RPS6KC1: variants seen among roughly 807,000 people sequenced by gnomAD.
RPS6KC1 encodes ribosomal protein S6 kinase C1.
In RPS6KC1, 54 loss-of-function variants were observed where a neutral mutation model predicts 103.8. That is an observed-to-expected ratio of 0.52 (90% confidence interval 0.42 to 0.65). The LOEUF (loss-of-function observed/expected upper bound fraction) is 0.65, where lower values mean the gene tolerates loss of function less well. Among genes scored for constraint, RPS6KC1 ranks in the 30% least tolerant of loss-of-function variants. The pLI, the probability that RPS6KC1 is intolerant of heterozygous loss-of-function variation, is 0.00. For missense variants in RPS6KC1, 1,151 were observed against 1,253.8 expected (o/e 0.92, Z 1.24); for synonymous variants, 439 against 438.7 (o/e 1.00, Z -0.01).
chr1:213,461,108 G>A, the RPS6KC1 span, among the ~76,000 whole-genome samples: 1 of 152,098 alleles, frequency 6.6e-6, no homozygotes, highest in Admixed American at 6.5e-5. Flanking sequence ...CAAAATCAAT[G>A]TGTAAAAATC....
the RPS6KC1 span, among the ~76,000 whole-genome samples, chr1:213,704,402 A>C: frequency 6.6e-6 from 1 of 150,826 alleles, no homozygotes; most frequent in African/African-American, 2.4e-5. Context: ...AAAAAAAAAA[A>C]AAAAAAAAAA....
the RPS6KC1 span, among the ~76,000 whole-genome samples, chr1:213,583,766 A>C: frequency 7.0e-6 from 1 of 143,438 alleles, no homozygotes; most frequent in African/African-American, 2.6e-5. Flanking sequence ...GGTTACAGTG[A>C]GCCGAGGTTG....
the RPS6KC1 span, among the ~76,000 whole-genome samples, chr1:213,290,171 AT>A: frequency 1.3e-5 from 2 of 149,944 alleles, no homozygotes; most frequent in African/African-American, 2.5e-5. Context: ...AAAAAAAAGA[AT>A]CAATCGGTCA....
chr1:213,363,675 T>TTTCTTTCTTTCTTTCC, the RPS6KC1 span, among the ~76,000 whole-genome samples: 2 of 96,072 alleles, frequency 2.1e-5, no homozygotes, highest in Admixed American at 9.6e-5. Flanking sequence ...TCTTTCTTTC[T>TTTCTTTCTTTCTTTCC]TTCTTTCTTT....
At chr1:213,636,938 C>CA in the RPS6KC1 span, among the ~76,000 whole-genome samples, 1 of 152,110 alleles carries the variant, frequency 6.6e-6, no homozygotes, top group Non-Finnish European at 1.5e-5. Context: ...ACAACCCCAT[C>CA]AAAAAATGGG....
intron 6 of RPS6KC1, among the ~76,000 whole-genome samples, chr1:213,166,097 C>T (rs190926649): frequency 8.4e-4 from 127 of 150,756 alleles, no homozygotes; most frequent in Non-Finnish European, 1.4e-3. Flanking sequence ...CATATCTTGA[C>T]ATTTCGAATT....
rs1192727608 is a variant in RPS6KC1, at chr1:213,124,291, G to T, written c.473-5236G>T. On this transcript the variant is annotated intron_variant, in intron 5 of 14. Coordinates refer to ENST00000366960, the MANE Select transcript of RPS6KC1 (RefSeq NM_012424.6). The stretch of plus-strand genomic sequence containing the variant: ...AGGATGCACCTTTTACTCTTGCGAT[G>T]GCCCAGAGGGCCTCTTTAAGTATGG... Among the ~76,000 whole-genome samples the T allele has an allele frequency of 2.6e-5, 4 of 152,144 alleles. No individual in the cohort carries two copies. In the East Asian group the frequency reaches 7.7e-4, roughly 29 times the overall value.
chr1:213,750,919 A>G, the RPS6KC1 span, among the ~76,000 whole-genome samples: 22 of 152,204 alleles, frequency 1.4e-4, 1 homozygote, highest in Admixed American at 1.4e-3. Flanking sequence ...CAACCTACTG[A>G]TAAGTCAGAA....
intron 6 of RPS6KC1, among the ~76,000 whole-genome samples, chr1:213,135,106 C>T (rs1436396385): frequency 1.3e-5 from 2 of 152,114 alleles, no homozygotes; most frequent in Non-Finnish European, 2.9e-5. Context: ...TATTCTATTC[C>T]TAGTTTTTTG....
At chr1:213,794,336 C>T in the RPS6KC1 span, 1 of 151,940 alleles carries the variant, frequency 6.6e-6, no homozygotes, top group Non-Finnish European at 1.5e-5. Context: ...GTGACTTTCC[C>T]CCAGATTTGG....
chr1:213,620,344 G>A, the RPS6KC1 span, among the ~76,000 whole-genome samples: 2 of 152,304 alleles, frequency 1.3e-5, no homozygotes, highest in East Asian at 3.9e-4. Flanking sequence ...CACATATCTT[G>A]GTACCTTGGT....
At chr1:213,212,728 A>G (rs1298917541) in intron 8 of RPS6KC1, among the ~76,000 whole-genome samples, 1 of 152,194 alleles carries the variant, frequency 6.6e-6, no homozygotes, top group African/African-American at 2.4e-5. Flanking sequence ...CTGTTGCTTT[A>G]TATCTTTGCC....
the RPS6KC1 span, among the ~76,000 whole-genome samples, chr1:213,597,688 C>G: frequency 6.6e-6 from 1 of 152,220 alleles, no homozygotes; most frequent in African/African-American, 2.4e-5. Flanking sequence ...ACAGAGGCGG[C>G]TCTGGCTTCT....
At chr1:213,289,827 G>A in the RPS6KC1 span, among the ~76,000 whole-genome samples, 1 of 152,096 alleles carries the variant, frequency 6.6e-6, no homozygotes, top group African/African-American at 2.4e-5. Flanking sequence ...ATCACTTGAG[G>A]TCAGAGTTTG....
chr1:213,826,685 C>T, the RPS6KC1 span, among the ~76,000 whole-genome samples: 2 of 152,172 alleles, frequency 1.3e-5, no homozygotes, highest in African/African-American at 4.8e-5. Flanking sequence ...CCATGGCTGA[C>T]AATTAATGAG....
chr1:213,617,397 G>A, the RPS6KC1 span, among the ~76,000 whole-genome samples: 2 of 152,156 alleles, frequency 1.3e-5, no homozygotes, highest in African/African-American at 4.8e-5. Context: ...GCATTGACCT[G>A]GTTGTGGAGA....
At chr1:213,574,780 G>T in the RPS6KC1 span, among the ~76,000 whole-genome samples, 1 of 152,184 alleles carries the variant, frequency 6.6e-6, no homozygotes. Flanking sequence ...AGCTTGATTT[G>T]GTGTTAGAGT....
chr1:213,211,797 G>T (rs2093514049), intron 8 of RPS6KC1, among the ~76,000 whole-genome samples: 1 of 152,164 alleles, frequency 6.6e-6, no homozygotes, highest in Admixed American at 6.5e-5. Flanking sequence ...ATTGGAGAAT[G>T]ACCTGGATTT....
At chr1:213,859,634 T>C in the RPS6KC1 span, among the ~76,000 whole-genome samples, 2 of 152,218 alleles carry the variant, frequency 1.3e-5, no homozygotes, top group African/African-American at 4.8e-5. Context: ...TTGTGGGCTA[T>C]AGTTTTCTGA....
Sources: allele counts gnomAD v4.1 joint callset (sites outside exome capture counted in the v4.1 genomes callset), GRCh38; gene constraint gnomAD v4.1.1; transcripts MANE v1.5; gene names NCBI Gene and HGNC (gene_info 2026-07-23, HGNC 2026-07-21).